MS4A7: variants seen among roughly 807,000 people sequenced by gnomAD.
MS4A7 encodes the protein membrane spanning 4-domains A7.
MS4A7 carries 21 observed loss-of-function variants against 23.5 expected under a neutral mutation model. The observed-to-expected ratio is 0.89, with a 90% CI of 0.63 to 1.29. The LOEUF is 1.29. MS4A7 is among the 50% of genes most tolerant of loss of function. MS4A7 has a pLI of 0.00. For missense variants in MS4A7, 263 were observed against 274.2 expected (o/e 0.96, Z 0.29); for synonymous variants, 111 against 107.4 (o/e 1.03, Z -0.21).
chr11:60,389,506 A>G lies in MS4A7; in HGVS notation c.456A>G (p.Glu152=). Residue 152 remains glutamate, a synonymous_variant, in exon 5 of 7, where the codon GAA becomes GAG. Coordinates refer to ENST00000300184, the MANE Select transcript of MS4A7 (RefSeq NM_021201.5). ...CTGCCTCTCAACATTGTGGCTCAGA[A>G]ATGGATTATCTATCCTCATTGCCTT... The part of the protein sequence containing the change: ...LRTASQHCGS[E]MDYLSSLPYS... 3 of 1,614,088 alleles carry G rather than the reference A, an allele frequency of 1.9e-6. No homozygotes were observed.
Position 60,392,524 on chromosome 11 carries a change from A to G in MS4A7, c.547-161A>G, listed in dbSNP as rs76821079. On this transcript the variant is annotated intron_variant, in intron 5 of 6. Transcript: ENST00000300184. ...ATGCCGTTGCTGCTTATTTCCCTTC[A>G]TCTATTAAGAAATCTGAAAAAGAAA... Among the ~76,000 whole-genome samples, 1,413 of 152,334 alleles carry G rather than the reference A, an allele frequency of 9.3e-3. 13 individuals carry two copies. The highest frequency in any genetic ancestry group is 0.03 in the South Asian group (143 of 4,820).
rs548548144 is a variant in MS4A7, at chr11:60,388,668, A to G, written c.340-722A>G. ...TGCTACGGAGAGAAGCAAAGGCTTT[A>G]TAGCTGCTTCCTCCCTTTCTCCCTC... On this transcript the variant is annotated intron_variant, in intron 4 of 6. Coordinates refer to ENST00000300184, the MANE Select transcript of MS4A7 (RefSeq NM_021201.5). Among the ~76,000 whole-genome samples the G allele has an allele frequency of 3.3e-5, 5 of 152,330 alleles. No homozygotes were observed. The South Asian group carries it at 1.0e-3, about 32-fold the overall frequency.
chr11:60,394,749 C>T lies in MS4A7; in HGVS notation c.*888C>T, dbSNP rs534252370. ...CCCGGGAAGGGGAGGTTGCAGTGAG[C>T]GGAGACTGCACCACTGCATTCCAGC... On this transcript the variant is annotated 3_prime_UTR_variant, in exon 7 of 7. Coordinates refer to ENST00000300184, the MANE Select transcript of MS4A7 (RefSeq NM_021201.5). The T allele has an allele frequency of 2.4e-4, 63 of 261,098 alleles. No individual in the cohort carries two copies. The South Asian group carries it at 2.6e-3, about 11-fold the overall frequency. The allele number at this position is 261,098 out of a possible 1,614,324, so 16.2% of individuals were successfully genotyped here.
chr11:60,385,706 G>C (rs2085478395), intron 3 of MS4A7, among the ~76,000 whole-genome samples: 1 of 152,174 alleles, frequency 6.6e-6, no homozygotes, highest in South Asian at 2.1e-4. Context: ...TGCTTGCTGT[G>C]TGTCCAGAGG....
At chr11:60,386,642 G>T in intron 3 of MS4A7, 75 bp from the exon 4 acceptor site, 1 of 1,216,400 alleles carries the variant, frequency 8.2e-7, no homozygotes, top group Admixed American at 1.9e-5. Flanking sequence ...CTTTTTGATT[G>T]AGTGATTGAC....
Position 60,394,063 on chromosome 11 carries a change from A to T in MS4A7, c.*202A>T. On this transcript the variant is annotated 3_prime_UTR_variant, in exon 7 of 7. Coordinates refer to ENST00000300184, the MANE Select transcript of MS4A7 (RefSeq NM_021201.5). ...CTCAAAGCCCAAGTCAATAAATGTTATCAGCCAGTCTTCCAAAATGGTCAT... is the reference window on the plus strand; with the variant it reads ...CTCAAAGCCCAAGTCAATAAATGTTTTCAGCCAGTCTTCCAAAATGGTCAT... 1 of 400,646 alleles carries T rather than the reference A, an allele frequency of 2.5e-6. No homozygotes were observed. The highest frequency in any genetic ancestry group is 4.4e-6 in the Non-Finnish European group (1 of 229,010). 24.8% of individuals were successfully genotyped at this position (400,646 alleles called of 1,614,324 possible).
intron 4 of MS4A7, 157 bp from the exon 5 acceptor site, chr11:60,389,231 CAA>C: frequency 3.3e-6 from 2 of 603,518 alleles, no homozygotes; most frequent in South Asian, 2.1e-5. Context: ...TAAATAGCGA[CAA>C]GAGATACAAA....
chr11:60,395,922 C>A lies in MS4A7; in HGVS notation c.*2061C>A, dbSNP rs1253675829. On this transcript the variant is annotated 3_prime_UTR_variant, in exon 7 of 7. Transcript: ENST00000300184. ...TATAATTTTTATTTGTCAAATATAC[C>A]TCAATAAAGATGGAAAAAAATCGAA... 8 of 151,804 alleles carry A rather than the reference C, an allele frequency of 5.3e-5. No individual in the cohort carries two copies. 9.4% of individuals were successfully genotyped at this position (151,804 alleles called of 1,614,324 possible).
chr11:60,391,299 C>T (rs2085547301), intron 5 of MS4A7, among the ~76,000 whole-genome samples: 1 of 152,100 alleles, frequency 6.6e-6, no homozygotes, highest in Non-Finnish European at 1.5e-5. Context: ...CAAATAAAAG[C>T]ATTAAGTTAA....
chr11:60,383,076 T>C, intron 1 of MS4A7, 53 bp from the exon 2 acceptor site: 1 of 1,584,816 alleles, frequency 6.3e-7, no homozygotes, highest in South Asian at 1.1e-5. Flanking sequence ...CTGGGAAGTT[T>C]ATGTCTGTAA....
At chr11:60,391,422 A>G (rs1590797626) in intron 5 of MS4A7, among the ~76,000 whole-genome samples, 1 of 152,130 alleles carries the variant, frequency 6.6e-6, no homozygotes, top group South Asian at 2.1e-4. Flanking sequence ...CTATCAAAGA[A>G]CCCTACCACT....
At chr11:60,391,891 A>G (rs1336260964) in intron 5 of MS4A7, among the ~76,000 whole-genome samples, 2 of 150,294 alleles carry the variant, frequency 1.3e-5, no homozygotes, top group African/African-American at 4.9e-5. Flanking sequence ...TGCACTCCAG[A>G]CTGGGTGACA....
Position 60,389,402 on chromosome 11 carries a change from T to C in MS4A7, c.352T>C (p.Leu118=). 4 of 1,611,820 alleles carry C rather than the reference T, an allele frequency of 2.5e-6. No individual in the cohort carries two copies. The highest frequency in any genetic ancestry group is 3.4e-6 in the Non-Finnish European group (4 of 1,178,836). ...GTTTCTCTTCCAGGACCTGAGCAGC[T>C]TGACCTCAAATGCAGTGAGTTCTGT... The part of the protein sequence containing the change: ...QSTKPFDLSS[L]TSNAVSSVTA... The change falls in exon 5 of 7, where the codon TTG becomes CTG. Residue 118 remains leucine, a synonymous_variant. Coordinates refer to ENST00000300184, the MANE Select transcript of MS4A7 (RefSeq NM_021201.5).
In MS4A7 at chr11:60,385,139, G is replaced by T. The variant is rs2085471349; in HGVS notation, c.199G>T (p.Val67Phe). 1 of 1,613,940 alleles carries T rather than the reference G, an allele frequency of 6.2e-7. No homozygotes were observed. Among genetic ancestry groups the T allele is most frequent in the African/African-American group, 1.3e-5 (1 of 74,902 alleles). The change falls in exon 3 of 7, where the codon GTT (valine) becomes TTT (phenylalanine). Residue 67 changes from valine (V) to phenylalanine (F), a missense_variant. Val to Phe is a conservative substitution (Grantham distance 50). Transcript: ENST00000300184. ...LLISSLGAIL[V>F]FAPYPSHFNP... ...GATTTCAAGTCTGGGGGCCATCTTG[G>T]TTTTTGCTCCCTACCCCTCCCACTT...
rs762549346 is a variant in MS4A7 at position 60,395,007 on chromosome 11, T to A, written c.*1146T>A. 71 of 627,190 alleles carry A rather than the reference T, an allele frequency of 1.1e-4. No individual in the cohort carries two copies. Among genetic ancestry groups the A allele is most frequent in the Non-Finnish European group, 1.9e-4 (66 of 344,944 alleles). The allele number at this position is 627,190 out of a possible 1,614,324, so 38.9% of individuals were successfully genotyped here. ...TTACAGATAATCTCTGACTGGCATG[T>A]TTTCTGCTTCTAGCTTGGAGCTAAA... On this transcript the variant is annotated 3_prime_UTR_variant, in exon 7 of 7. Transcript: ENST00000300184.
chr11:60,392,945 C>T (rs558646079), intron 6 of MS4A7, among the ~76,000 whole-genome samples, 159 bp downstream of exon 6: 1 of 152,108 alleles, frequency 6.6e-6, no homozygotes, highest in African/African-American at 2.4e-5. Flanking sequence ...AACAGTGAAA[C>T]CCCATCTCTA....
intron 5 of MS4A7, among the ~76,000 whole-genome samples, chr11:60,391,267 T>A (rs771134217): frequency 2.0e-5 from 3 of 152,168 alleles, no homozygotes; most frequent in Non-Finnish European, 2.9e-5. Context: ...AATTCATAAT[T>A]ACATATAAAA....
rs1470941703 is a variant in MS4A7 at position 60,394,162 on chromosome 11, T to C, written c.*301T>C. The C allele has an allele frequency of 4.3e-6, 1 of 230,824 alleles. No individual in the cohort carries two copies. The highest frequency in any genetic ancestry group is 8.3e-6 in the Non-Finnish European group (1 of 120,710). The allele number at this position is 230,824 out of a possible 1,614,324, so 14.3% of individuals were successfully genotyped here. ...AAGGGAAAATGTGCACTCATGCTAG[T>C]GTGAATTTGGTAAGTTGCGTGACTC... On this transcript the variant is annotated 3_prime_UTR_variant, in exon 7 of 7. Transcript: ENST00000300184.
intron 2 of MS4A7, among the ~76,000 whole-genome samples, chr11:60,384,172 G>T (rs1016294451): frequency 6.6e-6 from 1 of 152,062 alleles, no homozygotes. Context: ...CAGCAGGTAG[G>T]GTACTCTTTT....
Sources: gnomAD v4.1 joint callset for allele counts (sites outside exome capture counted in the v4.1 genomes callset) on GRCh38, gnomAD v4.1.1 for gene constraint, MANE v1.5 for transcripts, NCBI Gene and HGNC (gene_info 2026-07-23, HGNC 2026-07-21) for gene names.